Variants in CAMK2D observed in about 807,000 individuals in gnomAD.
CAMK2D encodes the protein calcium/calmodulin dependent protein kinase II delta, also known as calcium/calmodulin-dependent protein kinase type II subunit delta.
In CAMK2D, 37 loss-of-function variants were observed where a neutral mutation model predicts 84.0. The ratio of observed to expected loss-of-function variants is 0.44; its 90% confidence interval spans 0.34 to 0.58. CAMK2D has a LOEUF of 0.58. Among genes scored for constraint, CAMK2D ranks in the 20% least tolerant of loss-of-function variants. The pLI is 0.02. For missense variants in CAMK2D, 448 were observed against 652.5 expected, an observed-to-expected ratio of 0.69 and a Z score of 3.41; for synonymous variants, 202 against 212.5, an observed-to-expected ratio of 0.95 and a Z score of 0.43.
At chr4:113,657,615 T>C (rs966110251) in intron 3 of CAMK2D, among the ~76,000 whole-genome samples, 1 of 152,132 alleles carries the variant, frequency 6.6e-6, no homozygotes, top group African/African-American at 2.4e-5. Flanking sequence ...TTTTCCAAAT[T>C]TTCCACTAAC....
At chr4:113,725,176 G>T (rs2099542276) in intron 2 of CAMK2D, among the ~76,000 whole-genome samples, 1 of 152,012 alleles carries the variant, frequency 6.6e-6, no homozygotes. Context: ...AAAATAGATT[G>T]TGGGAGGAAG....
intron 5 of CAMK2D, among the ~76,000 whole-genome samples, chr4:113,549,197 A>T (rs1348628404): frequency 1.3e-5 from 2 of 152,188 alleles, no homozygotes; most frequent in Non-Finnish European, 2.9e-5. Context: ...GGCAGGTGAA[A>T]CAAGGGTCAA....
Position 113,521,210 on chromosome 4 carries a change from C to T in CAMK2D, c.602-3553G>A, listed in dbSNP as rs115776338. ...AACGCATTGGCTCCCCAACATCCCC[C>T]AAAGGTTAGGACTTCTGTTGAATTT... On this transcript the variant is annotated intron_variant, in intron 8 of 20. Coordinates refer to ENST00000511664, the MANE Select transcript of CAMK2D (RefSeq NM_001321571.2). Among the ~76,000 whole-genome samples, 871 of 152,284 alleles carry T rather than the reference C, an allele frequency of 5.7e-3. 7 individuals are homozygous for T. Among genetic ancestry groups the T allele is most frequent in the African/African-American group, 0.02 (814 of 41,552 alleles).
chr4:113,651,784 TAA>T (rs1561607653), intron 3 of CAMK2D, among the ~76,000 whole-genome samples: 1 of 152,118 alleles, frequency 6.6e-6, no homozygotes, highest in Non-Finnish European at 1.5e-5. Context: ...GAGAGAAAAG[TAA>T]AAGACTGTCT....
At chr4:113,714,496 C>T (rs2099507380) in intron 2 of CAMK2D, among the ~76,000 whole-genome samples, 1 of 152,058 alleles carries the variant, frequency 6.6e-6, no homozygotes, top group South Asian at 2.1e-4. Flanking sequence ...TCATTTTGAG[C>T]TAAAGGCACC....
chr4:113,534,030 G>A (rs1435631755), intron 7 of CAMK2D, among the ~76,000 whole-genome samples: 1 of 151,878 alleles, frequency 6.6e-6, no homozygotes, highest in African/African-American at 2.4e-5. Context: ...TTATGTAAAA[G>A]CCTGAAGCTC....
intron 2 of CAMK2D, among the ~76,000 whole-genome samples, chr4:113,744,219 T>A (rs1665346467): frequency 6.6e-6 from 1 of 152,204 alleles, no homozygotes; most frequent in Admixed American, 6.5e-5. Context: ...TAATTCTTTA[T>A]CCTTCAGCAA....
chr4:113,516,984 A>G (rs1370076940), intron 9 of CAMK2D, among the ~76,000 whole-genome samples: 2 of 151,680 alleles, frequency 1.3e-5, no homozygotes, highest in Non-Finnish European at 2.9e-5. Flanking sequence ...TTATGAATGT[A>G]TATATATATA....
intron 20 of CAMK2D, among the ~76,000 whole-genome samples, chr4:113,455,375 G>T (rs981517494): frequency 1.3e-5 from 2 of 152,118 alleles, no homozygotes; most frequent in African/African-American, 4.8e-5. Context: ...GACACCAAAG[G>T]ATTCTAAAGC....
chr4:113,614,734 G>T (rs1419641871), intron 3 of CAMK2D, among the ~76,000 whole-genome samples: 1 of 152,112 alleles, frequency 6.6e-6, no homozygotes, highest in Non-Finnish European at 1.5e-5. Context: ...TTAAATCTGG[G>T]ATGGGGATTG....
intron 2 of CAMK2D, among the ~76,000 whole-genome samples, chr4:113,740,483 G>A (rs2099590299): frequency 6.6e-6 from 1 of 151,994 alleles, no homozygotes; most frequent in Middle Eastern, 3.2e-3. Context: ...TTGAGGGAGA[G>A]GAGGAGAGGT....
rs1018585579 is a variant in CAMK2D, at chr4:113,452,336, CACACTGCCCTTG to C, written c.*2197_*2208del. 4.6e-5 allele frequency: 7 copies of C among 152,196 alleles called. No homozygotes were observed. Among genetic ancestry groups the C allele is most frequent in the Admixed American group, 4.6e-4 (7 of 15,258 alleles). 9.4% of individuals were successfully genotyped at this position (152,196 alleles called of 1,614,324 possible). ...TGTACTAAATGAGACCAGAGTAGGACACACTGCCCTTGACACTGGCCAGCACTATGCAGGCAT... is the reference window on the plus strand; with the variant it reads ...TGTACTAAATGAGACCAGAGTAGGACACACTGGCCAGCACTATGCAGGCAT... On this transcript the variant is annotated 3_prime_UTR_variant, in exon 21 of 21. Transcript: ENST00000511664.
At chr4:113,563,181 T>C (rs1188640210) in intron 4 of CAMK2D, among the ~76,000 whole-genome samples, 2 of 151,986 alleles carry the variant, frequency 1.3e-5, no homozygotes, top group African/African-American at 2.4e-5. Context: ...TTGAACCTGG[T>C]AGGTGGAGGT....
At chr4:113,737,825 T>G (rs1414828625) in intron 2 of CAMK2D, among the ~76,000 whole-genome samples, 1 of 152,140 alleles carries the variant, frequency 6.6e-6, no homozygotes, top group Non-Finnish European at 1.5e-5. Flanking sequence ...AAATTGGAAC[T>G]AGATCCAAAA....
chr4:113,759,653 A>G (rs1269963813), intron 1 of CAMK2D, among the ~76,000 whole-genome samples: 4 of 152,232 alleles, frequency 2.6e-5, no homozygotes, highest in African/African-American at 9.6e-5. Context: ...ACTGCCAATT[A>G]TGACCGCTCT....
chr4:113,706,118 T>C (rs1036920149), intron 2 of CAMK2D, among the ~76,000 whole-genome samples: 1 of 152,200 alleles, frequency 6.6e-6, no homozygotes, highest in African/African-American at 2.4e-5. Flanking sequence ...CACAGATTCT[T>C]TTCTATACAA....
At chr4:113,757,119 G>A (rs778337971) in intron 2 of CAMK2D, among the ~76,000 whole-genome samples, 1 of 152,100 alleles carries the variant, frequency 6.6e-6, no homozygotes, top group Non-Finnish European at 1.5e-5. Flanking sequence ...GAAAAGGAAA[G>A]AGACTAAACG....
At chr4:113,593,280 A>T (rs1026987265) in intron 4 of CAMK2D, among the ~76,000 whole-genome samples, 1 of 152,112 alleles carries the variant, frequency 6.6e-6, no homozygotes, top group Non-Finnish European at 1.5e-5. Context: ...ACAAATTAAC[A>T]CTCTTCTTAG....
intron 2 of CAMK2D, among the ~76,000 whole-genome samples, chr4:113,665,208 C>A (rs17046397): frequency 0.048 from 7,296 of 152,254 alleles, 562 homozygotes; most frequent in African/African-American, 0.16. Context: ...TTCTATGAAT[C>A]ATAGGCATTC....
Sources: allele counts gnomAD v4.1 joint callset (sites outside exome capture counted in the v4.1 genomes callset), GRCh38; gene constraint gnomAD v4.1.1; transcripts MANE v1.5; gene names NCBI Gene and HGNC (gene_info 2026-07-23, HGNC 2026-07-21).